Variants in KCNMA1 observed in about 807,000 individuals in gnomAD.
The protein encoded by KCNMA1 is potassium calcium-activated channel subfamily M alpha 1.
In KCNMA1, 29 loss-of-function variants were observed where a neutral mutation model predicts 140.0. That is an observed-to-expected ratio of 0.21 (90% confidence interval 0.15 to 0.28). KCNMA1 has a LOEUF of 0.28. Ranked by LOEUF, KCNMA1 falls within the 10% of genes least tolerant of loss-of-function variation. The pLI is 1.00. For synonymous variants in KCNMA1, 612 were observed against 611.9 expected, an observed-to-expected ratio of 1.00 and a Z score of 0.00; for missense variants, 880 against 1,602.2, an observed-to-expected ratio of 0.55 and a Z score of 7.70.
At chr10:77,363,885 T>C (rs1253924957) in intron 2 of KCNMA1, among the ~76,000 whole-genome samples, 2 of 152,190 alleles carry the variant, frequency 1.3e-5, no homozygotes, top group Admixed American at 1.3e-4. Context: ...TCTCCTATAG[T>C]TCCCTGTTCT....
chr10:77,269,834 G>A (rs1259897221), intron 2 of KCNMA1, among the ~76,000 whole-genome samples: 2 of 152,132 alleles, frequency 1.3e-5, no homozygotes, highest in East Asian at 3.9e-4. Flanking sequence ...TTATGGAGGA[G>A]CCCCATCTCC....
At chr10:77,350,243 C>CCACACTTTACAGG (rs2092712015) in intron 2 of KCNMA1, 1 of 152,226 alleles carries the variant, frequency 6.6e-6, no homozygotes, top group Non-Finnish European at 1.5e-5. Flanking sequence ...ATAGGGCACA[C>CCACACTTTACAGG]CACACTTTAC....
intron 2 of KCNMA1, among the ~76,000 whole-genome samples, chr10:77,301,706 G>C (rs1331448908): frequency 6.6e-6 from 1 of 151,708 alleles, no homozygotes; most frequent in Non-Finnish European, 1.5e-5. Flanking sequence ...TGACGCCCCG[G>C]AGGTGGGTAA....
At chr10:77,090,339 G>C (rs2096784059) in intron 10 of KCNMA1, 61 bp downstream of exon 10, 1 of 1,101,732 alleles carries the variant, frequency 9.1e-7, no homozygotes, top group Admixed American at 1.7e-5. Context: ...CAGACATTCA[G>C]GGAGTCCCTC....
chr10:76,915,953 G>A lies in KCNMA1; in HGVS notation c.2903-904C>T, dbSNP rs115706072. The stretch of plus-strand genomic sequence containing the variant: ...CAGGAAGAGCTGTCCTGGAGTTCCT[G>A]GGGCAAGCAGCCTGGAGCCATCCCA... On this transcript the variant is annotated intron_variant, in intron 23 of 27. Coordinates refer to ENST00000286628, the MANE Select transcript of KCNMA1 (RefSeq NM_001161352.2). 5.3e-3 allele frequency among the ~76,000 whole-genome samples: 805 copies of A among 152,034 alleles called. 3 individuals carry two copies. Among genetic ancestry groups the A allele is most frequent in the African/African-American group, 0.016 (683 of 41,462 alleles).
At chr10:77,336,586 G>A (rs1388494352) in intron 2 of KCNMA1, among the ~76,000 whole-genome samples, 1 of 152,114 alleles carries the variant, frequency 6.6e-6, no homozygotes, top group Non-Finnish European at 1.5e-5. Context: ...TTAAAAAGTC[G>A]ATGCACAAGA....
intron 5 of KCNMA1, among the ~76,000 whole-genome samples, chr10:77,167,916 CA>C (rs1222023747): frequency 6.6e-6 from 1 of 152,072 alleles, no homozygotes; most frequent in Non-Finnish European, 1.5e-5. Context: ...CTCCAGGACT[CA>C]AGCGATCCTC....
At chr10:77,191,548 T>C (rs1417968161) in intron 3 of KCNMA1, among the ~76,000 whole-genome samples, 3 of 152,156 alleles carry the variant, frequency 2.0e-5, no homozygotes, top group Non-Finnish European at 4.4e-5. Context: ...GGACGGGGCA[T>C]GTGTGTTCAA....
intron 2 of KCNMA1, among the ~76,000 whole-genome samples, chr10:77,400,949 T>G (rs915377403): frequency 1.3e-5 from 2 of 151,652 alleles, no homozygotes; most frequent in South Asian, 2.1e-4. Context: ...ATCTTCTGCT[T>G]GGTGTCAGTG....
chr10:77,010,079 C>T (rs887067079), intron 18 of KCNMA1, among the ~76,000 whole-genome samples: 9 of 152,204 alleles, frequency 5.9e-5, no homozygotes, highest in African/African-American at 1.2e-4. Context: ...CACAGTCTTG[C>T]TATTTCCTTG....
intron 1 of KCNMA1, among the ~76,000 whole-genome samples, chr10:77,588,695 ATAT>A (rs1028770489): frequency 6.6e-6 from 1 of 152,346 alleles, no homozygotes; most frequent in African/African-American, 2.4e-5. Context: ...AAGATAGATA[ATAT>A]TATCTTCTTT....
chr10:77,479,184 A>G (rs1487897814), intron 1 of KCNMA1, among the ~76,000 whole-genome samples: 1 of 152,248 alleles, frequency 6.6e-6, no homozygotes, highest in Non-Finnish European at 1.5e-5. Flanking sequence ...AAGAATATCC[A>G]CAGATATTAT....
At chr10:76,920,708 G>T (rs952173629) in intron 23 of KCNMA1, among the ~76,000 whole-genome samples, 1 of 152,186 alleles carries the variant, frequency 6.6e-6, no homozygotes, top group East Asian at 1.9e-4. Context: ...CCTGGGAGCC[G>T]CAGCCAGGCA....
intron 2 of KCNMA1, among the ~76,000 whole-genome samples, chr10:77,370,475 C>G (rs1211637620): frequency 6.6e-6 from 1 of 152,198 alleles, no homozygotes; most frequent in African/African-American, 2.4e-5. Context: ...TCTAAACACC[C>G]CTGCCGCTGC....
intron 1 of KCNMA1, among the ~76,000 whole-genome samples, chr10:77,443,486 G>A (rs778165454): frequency 6.6e-6 from 1 of 152,194 alleles, no homozygotes; most frequent in African/African-American, 2.4e-5. Flanking sequence ...CAGTTGGAGA[G>A]AATGGCAGCC....
chr10:77,479,852 G>A (rs990754859), intron 1 of KCNMA1, among the ~76,000 whole-genome samples: 7 of 152,268 alleles, frequency 4.6e-5, no homozygotes, highest in East Asian at 3.9e-4. Context: ...AACCTTTCAC[G>A]TGCGTCTGTC....
At chr10:77,593,878 G>A (rs1198415098) in intron 1 of KCNMA1, among the ~76,000 whole-genome samples, 4 of 152,194 alleles carry the variant, frequency 2.6e-5, no homozygotes, top group African/African-American at 9.7e-5. Context: ...CCCCTGGAGG[G>A]GAAAGCATCC....
chr10:77,483,518 A>T (rs1010307425), intron 1 of KCNMA1, among the ~76,000 whole-genome samples: 1 of 152,166 alleles, frequency 6.6e-6, no homozygotes, highest in Non-Finnish European at 1.5e-5. Context: ...ACTGGGGTGG[A>T]GGGCTCTCTT....
chr10:77,557,565 T>G (rs1025280100), intron 1 of KCNMA1, among the ~76,000 whole-genome samples: 1 of 152,048 alleles, frequency 6.6e-6, no homozygotes, highest in Non-Finnish European at 1.5e-5. Flanking sequence ...TATATTTTTT[T>G]AAAAAGTGGA....
Sources: allele counts gnomAD v4.1 joint callset (sites outside exome capture counted in the v4.1 genomes callset), GRCh38; gene constraint gnomAD v4.1.1; transcripts MANE v1.5; gene names NCBI Gene and HGNC (gene_info 2026-07-23, HGNC 2026-07-21).